TTC28: variants seen among roughly 807,000 people sequenced by gnomAD.
The protein encoded by TTC28 is tetratricopeptide repeat protein 28.
Under a neutral mutation model 198.0 loss-of-function variants are expected in TTC28, and 61 were observed. That is an observed-to-expected ratio of 0.31 (90% CI 0.25 to 0.38). The LOEUF is 0.38. Ranked by LOEUF, TTC28 falls within the 10% of genes least tolerant of loss-of-function variation. The pLI is 1.00. For missense variants in TTC28, 2,678 were observed against 3,164.0 expected (o/e 0.85, Z 3.69); for synonymous variants, 1,171 against 1,297.8 (o/e 0.90, Z 2.10).
intron 5 of TTC28, among the ~76,000 whole-genome samples, chr22:28,180,641 A>G (rs1923608670): frequency 6.6e-6 from 1 of 151,940 alleles, no homozygotes; most frequent in Admixed American, 6.6e-5. Context: ...CTCCCATTTT[A>G]GGATTTGCTC....
rs1160891042 is a variant in TTC28 at position 28,498,901 on chromosome 22, T to G, written c.381+130651A>C. ...TTCATAAATAAATTTATTTACTGAGTGCAGTGGCTCACGCCTGTAATCCCA... is the reference window on the plus strand; with the variant it reads ...TTCATAAATAAATTTATTTACTGAGGGCAGTGGCTCACGCCTGTAATCCCA... On this transcript the variant is annotated intron_variant, in intron 2 of 22. Transcript: ENST00000397906. Among the ~76,000 whole-genome samples the G allele has an allele frequency of 2.0e-5, 3 of 152,262 alleles. No individual in the cohort carries two copies. In the East Asian group the frequency reaches 5.8e-4, roughly 29 times the overall value.
chr22:28,389,326 G>A (rs1254481122), intron 2 of TTC28, among the ~76,000 whole-genome samples: 6 of 152,016 alleles, frequency 3.9e-5, no homozygotes, highest in Middle Eastern at 3.4e-3. Flanking sequence ...GTCTCTGCCC[G>A]GCTTTGGTAT....
rs150798755 is a variant in TTC28 at position 27,980,956 on chromosome 22, C to T, written c.*1265G>A. On this transcript the variant is annotated 3_prime_UTR_variant, in exon 23 of 23. Coordinates refer to ENST00000397906, the MANE Select transcript of TTC28 (RefSeq NM_001145418.2). ...CCAGGCATACGTCCCAGCAAAAGGC[C>T]CTGTTGCTTAGGATCTGTACGTGTG... 3.9e-5 allele frequency: 6 copies of T among 152,428 alleles called. No individual in the cohort carries two copies. Among genetic ancestry groups the T allele is most frequent in the Non-Finnish European group, 8.8e-5 (6 of 68,098 alleles). The allele number at this position is 152,428 out of a possible 1,614,324, so 9.4% of individuals were successfully genotyped here.
intron 2 of TTC28, among the ~76,000 whole-genome samples, chr22:28,387,837 T>C (rs2046637140): frequency 6.6e-6 from 1 of 152,166 alleles, no homozygotes; most frequent in Non-Finnish European, 1.5e-5. Flanking sequence ...GTGCAGAAGC[T>C]CTTTAGTTTA....
At chr22:28,639,544 G>A (rs1473825670) in intron 1 of TTC28, among the ~76,000 whole-genome samples, 3 of 152,176 alleles carry the variant, frequency 2.0e-5, no homozygotes, top group African/African-American at 7.2e-5. Flanking sequence ...GGGATTCCAT[G>A]GAAGGTAACT....
In TTC28 at chr22:28,399,618, T is replaced by TC. The variant is rs550821990; in HGVS notation, c.382-92976_382-92975insG. On this transcript the variant is annotated intron_variant, in intron 2 of 22. Transcript: ENST00000397906. Reference sequence around the variant, plus strand: ...CTACGCCCAGCCTAGAAACTTGTATTATCAGCCTAAAACATAACTAGAAAA... The same window carrying TC: ...CTACGCCCAGCCTAGAAACTTGTATTCATCAGCCTAAAACATAACTAGAAAA... Among the ~76,000 whole-genome samples the TC allele has an allele frequency of 3.9e-3, 597 of 152,308 alleles. 5 individuals are homozygous for TC. The highest frequency in any genetic ancestry group is 0.014 in the African/African-American group (566 of 41,568).
Position 27,982,901 on chromosome 22 carries a change from C to A in TTC28, c.6766G>T (p.Glu2256Ter), listed in dbSNP as rs935398970. The A allele has an allele frequency of 9.0e-6, 14 of 1,551,464 alleles. No homozygotes were observed. The highest frequency in any genetic ancestry group is 1.2e-5 in the Non-Finnish European group (14 of 1,146,946). The change falls in exon 23 of 23, where the codon GAG (glutamate) becomes TAG (stop). Residue 2256 changes from glutamate (E) to a stop codon, truncating the protein, a stop_gained. Transcript: ENST00000397906. LOFTEE classifies it high-confidence loss of function. The surrounding 1 kb of genome is among the most constrained non-coding windows in gnomAD (Gnocchi z 5.2). ...CTCGGGCTGTCTTTGATGGACATCT[C>A]TGAGGTGGTGGGGCTGCTATATCCG... ...SSGYSSPTTS[E>*]MSIKDSPSQH... is the part of the protein sequence containing the mutation.
intron 1 of TTC28, among the ~76,000 whole-genome samples, chr22:28,674,251 G>GT (rs2051939769): frequency 1.5e-5 from 2 of 136,274 alleles, no homozygotes; most frequent in East Asian, 2.1e-4. Flanking sequence ...TCTGTTTGTG[G>GT]TTTTTTCTTT....
At chr22:28,389,170 A>C (rs1367170871) in intron 2 of TTC28, among the ~76,000 whole-genome samples, 1 of 152,010 alleles carries the variant, frequency 6.6e-6, no homozygotes, top group Non-Finnish European at 1.5e-5. Flanking sequence ...ATTGAACCAG[A>C]CTTGCATCAC....
chr22:28,573,628 C>T (rs771713513), intron 2 of TTC28, among the ~76,000 whole-genome samples: 7 of 151,916 alleles, frequency 4.6e-5, no homozygotes, highest in South Asian at 4.2e-4. Flanking sequence ...GCATATAATG[C>T]GTAATAATCA....
At chr22:28,474,597 C>A (rs1442001827) in intron 2 of TTC28, among the ~76,000 whole-genome samples, 1 of 152,122 alleles carries the variant, frequency 6.6e-6, no homozygotes, top group Non-Finnish European at 1.5e-5. Context: ...TGACATCAAG[C>A]CAAACATGTA....
chr22:28,492,116 G>C (rs187625833), intron 2 of TTC28, among the ~76,000 whole-genome samples: 7 of 151,466 alleles, frequency 4.6e-5, no homozygotes, highest in African/African-American at 9.8e-5. Context: ...GTTGTGGGGT[G>C]GGGGGGAGCG....
At chr22:28,145,704 T>C (rs1321237058) in intron 6 of TTC28, among the ~76,000 whole-genome samples, 4 of 152,188 alleles carry the variant, frequency 2.6e-5, no homozygotes, top group Non-Finnish European at 5.9e-5. Flanking sequence ...GGATAAGAAA[T>C]GTTATGTATT....
intron 12 of TTC28, among the ~76,000 whole-genome samples, chr22:28,067,816 C>A (rs540933516): frequency 6.6e-6 from 1 of 152,298 alleles, no homozygotes; most frequent in Non-Finnish European, 1.5e-5. Flanking sequence ...CACAGCTGTT[C>A]TTTTAAGCAG....
intron 2 of TTC28, among the ~76,000 whole-genome samples, chr22:28,426,982 C>G (rs533340839): frequency 1.8e-3 from 278 of 152,278 alleles, no homozygotes; most frequent in African/African-American, 6.5e-3. Context: ...TGAAATTCAC[C>G]AAGGGAACTA....
intron 2 of TTC28, among the ~76,000 whole-genome samples, chr22:28,601,270 A>T (rs1257142611): frequency 6.6e-6 from 1 of 152,184 alleles, no homozygotes; most frequent in Non-Finnish European, 1.5e-5. Context: ...TTGCCAACTG[A>T]TTACAAATGG....
At chr22:28,235,615 C>T (rs2147240098) in intron 5 of TTC28, among the ~76,000 whole-genome samples, 1 of 152,242 alleles carries the variant, frequency 6.6e-6, no homozygotes, top group African/African-American at 2.4e-5. Flanking sequence ...TGGAATAGAA[C>T]ATGAAGTCCA....
In TTC28 at chr22:28,050,162, A is replaced by T. The variant is rs564373969; in HGVS notation, c.3933-19796T>A. Among the ~76,000 whole-genome samples the T allele has an allele frequency of 2.6e-5, 4 of 152,240 alleles. No individual in the cohort carries two copies. In the South Asian group the frequency reaches 8.3e-4, roughly 32 times the overall value. On this transcript the variant is annotated intron_variant, in intron 12 of 22. Coordinates refer to ENST00000397906, the MANE Select transcript of TTC28 (RefSeq NM_001145418.2). The stretch of plus-strand genomic sequence containing the variant: ...GCACTTATCCAGGGTCCCACAGGTA[A>T]TAAGCAGCAGAAGTAGGCCCCGGAG...
intron 2 of TTC28, among the ~76,000 whole-genome samples, chr22:28,574,513 T>C (rs1379046549): frequency 6.6e-6 from 1 of 152,216 alleles, no homozygotes; most frequent in Non-Finnish European, 1.5e-5. Flanking sequence ...TTTGATATAC[T>C]GATTTCCTTT....
Sources: gnomAD v4.1 joint callset for allele counts (sites outside exome capture counted in the v4.1 genomes callset) on GRCh38, gnomAD v4.1.1 for gene constraint, Gnocchi (gnomAD v3.1) non-coding constraint, MANE v1.5 for transcripts, NCBI Gene and HGNC (gene_info 2026-07-23, HGNC 2026-07-21) for gene names.